The following TRAPPC9 variants were observed in gnomAD, a reference collection of about 807,000 sequenced individuals.
TRAPPC9 encodes trafficking protein particle complex subunit 9.
Under a neutral mutation model 124.0 loss-of-function variants are expected in TRAPPC9, and 83 were observed. The observed-to-expected ratio is 0.67, with a 90% CI of 0.56 to 0.80. The LOEUF (loss-of-function observed/expected upper bound fraction) is 0.80. TRAPPC9 is among the 30% of genes least tolerant of loss of function. The pLI is 0.00. For synonymous variants in TRAPPC9, 638 were observed against 617.5 expected (o/e 1.03, Z -0.49); for missense variants, 1,302 against 1,508.3 (o/e 0.86, Z 2.27).
At position 140,182,939 on chromosome 8, in the gene TRAPPC9, T is replaced by C. The variant is rs1357721222; in HGVS notation, c.2556+38520A>G. ...GAGCAGTTTGTCTGTATCACTATAA[T>C]CAGCTTCCTATTACCTTCCAAAATA... On this transcript the variant is annotated intron_variant, in intron 17 of 22. Coordinates refer to ENST00000438773, the MANE Select transcript of TRAPPC9 (RefSeq NM_001160372.4). The surrounding 1 kb of genome is among the most constrained non-coding windows in gnomAD (Gnocchi z 4.0). Among the ~76,000 whole-genome samples, 1 of 152,074 alleles carries C rather than the reference T, an allele frequency of 6.6e-6. No homozygotes were observed. The highest frequency in any genetic ancestry group is 1.9e-4 in the East Asian group (1 of 5,194).
At position 140,426,637 on chromosome 8, in the gene TRAPPC9, T is replaced by G. The variant is rs750319586; in HGVS notation, c.864A>C (p.Ala288=). The change falls in exon 5 of 23, where the codon GCA becomes GCC. Residue 288 remains alanine, a synonymous_variant. Transcript: ENST00000438773. ...AEAANRHRPG[A]QEVLIDPGAL... Reference sequence around the variant, plus strand: ...TACCTGGATCAATGAGAACTTCCTGTGCCCCTGGAAGAAAGAACAGATTAT... The same window carrying G: ...TACCTGGATCAATGAGAACTTCCTGGGCCCCTGGAAGAAAGAACAGATTAT... The G allele has an allele frequency of 3.1e-6, 5 of 1,613,756 alleles. No homozygotes were observed.
intron 21 of TRAPPC9, among the ~76,000 whole-genome samples, chr8:139,770,521 G>T (rs1053655969): frequency 6.6e-5 from 10 of 152,200 alleles, no homozygotes; most frequent in Non-Finnish European, 1.5e-5. Flanking sequence ...GGGTCCCCAC[G>T]GGGCCCCATC....
At chr8:140,323,462 C>T (rs1026825067) in intron 9 of TRAPPC9, among the ~76,000 whole-genome samples, 5 of 151,992 alleles carry the variant, frequency 3.3e-5, no homozygotes, top group East Asian at 3.9e-4. Context: ...GAAAGGGTGG[C>T]GGGGAACCGT....
At chr8:139,960,390 C>G (rs1179841851) in intron 19 of TRAPPC9, among the ~76,000 whole-genome samples, 1 of 152,184 alleles carries the variant, frequency 6.6e-6, no homozygotes, top group Non-Finnish European at 1.5e-5. Context: ...AAGATTCAGC[C>G]TGGCCCTGAG....
At chr8:140,332,068 A>G (rs755309766) in intron 9 of TRAPPC9, among the ~76,000 whole-genome samples, 24 of 152,198 alleles carry the variant, frequency 1.6e-4, no homozygotes, top group Admixed American at 3.3e-4. Context: ...ATATGGAATC[A>G]ACCCAAGTGA....
chr8:140,289,127 T>A (rs2065573783), intron 12 of TRAPPC9, among the ~76,000 whole-genome samples: 1 of 152,096 alleles, frequency 6.6e-6, no homozygotes, highest in Admixed American at 6.5e-5. Context: ...CGCAGGGGTA[T>A]ACACATGTGT....
chr8:140,267,401 G>A (rs1234773912), intron 15 of TRAPPC9, among the ~76,000 whole-genome samples: 7 of 152,304 alleles, frequency 4.6e-5, no homozygotes, highest in Admixed American at 2.6e-4. Flanking sequence ...CCCATCCTGC[G>A]TTAACATTTC....
chr8:140,175,195 G>A (rs903258207), intron 17 of TRAPPC9, among the ~76,000 whole-genome samples: 3 of 151,830 alleles, frequency 2.0e-5, no homozygotes, highest in Admixed American at 6.6e-5. Context: ...AGTACACACA[G>A]CTAACAGGAA....
rs1843239686 is a variant in TRAPPC9, at chr8:140,072,589, AG to A, written c.2557-48511del. Among the ~76,000 whole-genome samples the A allele has an allele frequency of 2.4e-4, 7 of 28,720 alleles. No individual in the cohort carries two copies. In the South Asian group the frequency reaches 6.3e-3, roughly 26 times the overall value. The allele number at this position is 28,720 out of a possible 152,430, so 18.8% of individuals were successfully genotyped here. A position where few individuals can be genotyped will look rare whatever the true frequency, so the allele number is the denominator to read the frequency against. ...GGAGAAAGGAAGGAGGAGGAGGAGA[AG>A]GGAAGGAGGAGGAGGAGGAGGAGGA... On this transcript the variant is annotated intron_variant, in intron 17 of 22. Coordinates refer to ENST00000438773, the MANE Select transcript of TRAPPC9 (RefSeq NM_001160372.4).
intron 17 of TRAPPC9, among the ~76,000 whole-genome samples, chr8:140,069,436 C>T (rs1484208325): frequency 1.3e-5 from 2 of 152,160 alleles, no homozygotes; most frequent in South Asian, 2.1e-4. Flanking sequence ...CGTAAGTGCT[C>T]AGCACAGAGG....
intron 19 of TRAPPC9, among the ~76,000 whole-genome samples, chr8:139,955,971 CTG>C (rs1404428384): frequency 6.6e-6 from 1 of 152,164 alleles, no homozygotes; most frequent in Non-Finnish European, 1.5e-5. Flanking sequence ...GCCCTCAAGA[CTG>C]TGTCTGGGTC....
At chr8:139,997,264 T>TTCTA in intron 18 of TRAPPC9, among the ~76,000 whole-genome samples, 1 of 145,780 alleles carries the variant, frequency 6.9e-6, no homozygotes, top group East Asian at 2.1e-4. Context: ...AATGCAACCC[T>TTCTA]CACAGGGGAG....
intron 17 of TRAPPC9, among the ~76,000 whole-genome samples, chr8:140,192,275 G>C (rs530443308): frequency 6.6e-6 from 1 of 152,230 alleles, no homozygotes; most frequent in Non-Finnish European, 1.5e-5. Context: ...GGTCACAAGA[G>C]TGGCACACGT....
chr8:140,287,264 C>T (rs1219452589), intron 13 of TRAPPC9, among the ~76,000 whole-genome samples: 1 of 151,748 alleles, frequency 6.6e-6, no homozygotes, highest in East Asian at 1.9e-4. Flanking sequence ...TAAAGGCCCT[C>T]TGCAAAGGGG....
intron 9 of TRAPPC9, among the ~76,000 whole-genome samples, chr8:140,322,508 A>G (rs2131950186): frequency 2.6e-5 from 4 of 152,288 alleles, no homozygotes; most frequent in African/African-American, 9.6e-5. Flanking sequence ...CAGAGCAAGC[A>G]CTTTTTAAAT....
At chr8:140,280,755 T>C (rs1185611890) in intron 14 of TRAPPC9, among the ~76,000 whole-genome samples, 1 of 152,118 alleles carries the variant, frequency 6.6e-6, no homozygotes, top group African/African-American at 2.4e-5. Flanking sequence ...TTTAAAACAC[T>C]TGCAGCACCC....
chr8:139,807,005 C>T (rs767651955), intron 21 of TRAPPC9, among the ~76,000 whole-genome samples: 17 of 152,338 alleles, frequency 1.1e-4, no homozygotes, highest in Middle Eastern at 6.8e-3. Flanking sequence ...AGCCACCTGC[C>T]GATGCCCTCG....
intron 18 of TRAPPC9, among the ~76,000 whole-genome samples, chr8:139,999,094 T>C (rs1838227730): frequency 1.3e-5 from 2 of 151,884 alleles, no homozygotes; most frequent in Non-Finnish European, 2.9e-5. Context: ...AAACCAAAAA[T>C]ACAATGGTAG....
chr8:140,079,048 A>G (rs189692097), intron 17 of TRAPPC9, among the ~76,000 whole-genome samples: 209 of 152,110 alleles, frequency 1.4e-3, no homozygotes, highest in Non-Finnish European at 2.3e-3. Flanking sequence ...GGTATTTCCA[A>G]TGCTGTTTTC....
Sources: allele counts gnomAD v4.1 joint callset (sites outside exome capture counted in the v4.1 genomes callset), GRCh38; gene constraint gnomAD v4.1.1; non-coding constraint Gnocchi (gnomAD v3.1); transcripts MANE v1.5; gene names NCBI Gene and HGNC (gene_info 2026-07-23, HGNC 2026-07-21).